Variants in TMEM116 observed in about 807,000 individuals in gnomAD.
The protein encoded by TMEM116 is transmembrane protein 116.
A neutral mutation model predicts 44.3 loss-of-function variants in TMEM116; 38 were observed. That is an observed-to-expected ratio of 0.86 (90% CI 0.66 to 1.12). The LOEUF (loss-of-function observed/expected upper bound fraction) is 1.12, where lower values mean the gene tolerates loss of function less well. Ranked by LOEUF, TMEM116 falls within the 50% of genes most tolerant of loss-of-function variation. TMEM116 has a pLI of 0.00. For synonymous variants in TMEM116, 132 were observed against 144.8 expected, an observed-to-expected ratio of 0.91 and a Z score of 0.64; for missense variants, 354 against 401.7, an observed-to-expected ratio of 0.88 and a Z score of 1.01.
chr12:111,959,497 T>C (rs1253715479), intron 4 of TMEM116, among the ~76,000 whole-genome samples: 1 of 152,108 alleles, frequency 6.6e-6, no homozygotes, highest in Non-Finnish European at 1.5e-5. Flanking sequence ...CACATGACAA[T>C]ATTAACCTTA....
intron 9 of TMEM116, 23 bp from the exon 10 acceptor site, chr12:111,932,682 C>T: frequency 6.2e-7 from 1 of 1,604,382 alleles, no homozygotes; most frequent in Non-Finnish European, 8.5e-7. Context: ...AAAGTGTAAA[C>T]CTTCTTGTCA....
At chr12:111,939,017 T>C (rs979608776) in intron 5 of TMEM116, among the ~76,000 whole-genome samples, 3 of 152,164 alleles carry the variant, frequency 2.0e-5, no homozygotes, top group South Asian at 4.1e-4. Flanking sequence ...ACAGCTAGCA[T>C]TGACTTTAGG....
At chr12:111,978,592 T>C (rs1346759415) in intron 4 of TMEM116, 2 of 200,192 alleles carry the variant, frequency 1.0e-5, no homozygotes, top group African/African-American at 4.7e-5. Flanking sequence ...GGGAGGCAAT[T>C]AGCTCCTAAG....
intron 5 of TMEM116, among the ~76,000 whole-genome samples, chr12:111,941,325 G>A (rs2072798738): frequency 6.6e-6 from 1 of 150,392 alleles, no homozygotes; most frequent in Admixed American, 6.6e-5. Context: ...GCAGTGAGCC[G>A]AGCTTGTGCC....
chr12:111,982,596 T>C (rs1038862022), intron 4 of TMEM116, among the ~76,000 whole-genome samples: 2 of 152,074 alleles, frequency 1.3e-5, no homozygotes, highest in African/African-American at 4.8e-5. Context: ...CCACCGTGCC[T>C]GGCCAATGCA....
intron 3 of TMEM116, among the ~76,000 whole-genome samples, chr12:111,999,548 G>C (rs575938831): frequency 6.6e-6 from 1 of 151,696 alleles, no homozygotes; most frequent in African/African-American, 2.4e-5. Flanking sequence ...GCAGTGAGCT[G>C]AGACTGCACC....
intron 4 of TMEM116, among the ~76,000 whole-genome samples, chr12:111,957,240 G>A (rs893150715): frequency 2.0e-5 from 3 of 151,098 alleles, no homozygotes; most frequent in Non-Finnish European, 4.4e-5. Context: ...CTGCCCCGCC[G>A]CCCCATCTGA....
intron 1 of TMEM116, chr12:112,005,566 G>T: frequency 2.0e-6 from 1 of 500,554 alleles, no homozygotes; most frequent in Non-Finnish European, 2.7e-6. Context: ...ATGACTAAAT[G>T]AAAAAGGGAA....
At chr12:111,979,892 A>G (rs1451825263) in intron 4 of TMEM116, among the ~76,000 whole-genome samples, 1 of 152,210 alleles carries the variant, frequency 6.6e-6, no homozygotes. Flanking sequence ...ACCAATACAT[A>G]CCTACTAGAA....
chr12:111,959,212 G>T (rs887624888), intron 4 of TMEM116, among the ~76,000 whole-genome samples: 1 of 152,160 alleles, frequency 6.6e-6, no homozygotes, highest in Admixed American at 6.5e-5. Context: ...TTAAAGAAAA[G>T]AATTTTCAAC....
At chr12:111,958,276 C>CAAAAAAAAA (rs2074304746) in intron 4 of TMEM116, among the ~76,000 whole-genome samples, 3 of 17,706 alleles carry the variant, frequency 1.7e-4, no homozygotes, top group Admixed American at 5.9e-4. Context: ...TCAATAAATA[C>CAAAAAAAAA]TAAAAAAAAA....
At chr12:111,948,178 C>G (rs138297403) in intron 4 of TMEM116, among the ~76,000 whole-genome samples, 1 of 152,214 alleles carries the variant, frequency 6.6e-6, no homozygotes, top group South Asian at 2.1e-4. Flanking sequence ...CTGAGTTCAG[C>G]TAGAAGCCTT....
intron 3 of TMEM116, chr12:111,993,760 G>T: frequency 1.4e-6 from 1 of 703,694 alleles, no homozygotes; most frequent in Non-Finnish European, 2.7e-6. Flanking sequence ...AAAGACAGAG[G>T]AGCTGGTTGT....
chr12:112,004,577 A>G (rs1036961306), intron 2 of TMEM116, among the ~76,000 whole-genome samples: 1 of 152,088 alleles, frequency 6.6e-6, no homozygotes, highest in African/African-American at 2.4e-5. Context: ...ATGGGCCACC[A>G]TATCCAGCCA....
At chr12:111,937,353 A>C in intron 6 of TMEM116, 110 bp from the exon 7 acceptor site, 1 of 775,780 alleles carries the variant, frequency 1.3e-6, no homozygotes, top group Non-Finnish European at 2.2e-6. Flanking sequence ...ACCAATCTCC[A>C]CAAATAACAC....
At chr12:111,938,955 T>A (rs1396098745) in intron 5 of TMEM116, among the ~76,000 whole-genome samples, 1 of 152,200 alleles carries the variant, frequency 6.6e-6, no homozygotes, top group Non-Finnish European at 1.5e-5. Context: ...AATTAATCAA[T>A]AATCAGATAT....
At chr12:112,006,752 T>C (rs1267238701) in intron 1 of TMEM116, among the ~76,000 whole-genome samples, 2 of 152,290 alleles carry the variant, frequency 1.3e-5, no homozygotes, top group Admixed American at 1.3e-4. Context: ...CTGATAAAAT[T>C]TGGACAGACT....
intron 4 of TMEM116, among the ~76,000 whole-genome samples, chr12:111,960,951 A>G (rs1229599185): frequency 1.3e-5 from 2 of 152,212 alleles, no homozygotes; most frequent in Non-Finnish European, 2.9e-5. Flanking sequence ...AAAGAAGAAG[A>G]GAAGAATCAA....
chr12:111,970,165 G>C (rs2075245336), intron 4 of TMEM116, among the ~76,000 whole-genome samples: 1 of 151,734 alleles, frequency 6.6e-6, no homozygotes, highest in Non-Finnish European at 1.5e-5. Flanking sequence ...TGTAATCCTA[G>C]ATACTTGGGA....
Sources: allele counts gnomAD v4.1 joint callset (sites outside exome capture counted in the v4.1 genomes callset), GRCh38; gene constraint gnomAD v4.1.1; transcripts MANE v1.5; gene names NCBI Gene and HGNC (gene_info 2026-07-23, HGNC 2026-07-21).